Variants in PINX1 observed in about 807,000 individuals in gnomAD.
PINX1 encodes PIN2 (TERF1) interacting telomerase inhibitor 1.
A neutral mutation model predicts 25.4 loss-of-function variants in PINX1; 34 were observed. The ratio of observed to expected loss-of-function variants is 1.34; its 90% confidence interval spans 1.02 to 1.78. The LOEUF (loss-of-function observed/expected upper bound fraction) is 1.78. Among genes scored for constraint, PINX1 ranks in the 40% most tolerant of loss-of-function variants. PINX1 has a pLI of 0.00. For missense variants in PINX1, 592 were observed against 404.9 expected, an observed-to-expected ratio of 1.46 and a Z score of -3.97; for synonymous variants, 197 against 147.7, an observed-to-expected ratio of 1.33 and a Z score of -2.42.
At chr8:10,818,787 G>A (rs1424036834) in intron 6 of PINX1, among the ~76,000 whole-genome samples, 2 of 152,170 alleles carry the variant, frequency 1.3e-5, no homozygotes, top group African/African-American at 2.4e-5. Flanking sequence ...AGGAGATGGA[G>A]TTCAAGAGGC....
chr8:10,808,888 C>G (rs1448459771), intron 6 of PINX1, among the ~76,000 whole-genome samples: 1 of 152,014 alleles, frequency 6.6e-6, no homozygotes, highest in Non-Finnish European at 1.5e-5. Flanking sequence ...GCAAGAGCAG[C>G]AGAAAAGGAA....
rs756184445 is a variant in PINX1 at position 10,834,755 on chromosome 8, C to T, written c.40G>A (p.Ala14Thr). 46 of 1,613,416 alleles carry T rather than the reference C, an allele frequency of 2.9e-5. No individual in the cohort carries two copies. The Admixed American group carries it at 4.8e-4, about 17-fold the overall frequency. ...CAGGCAGTGTTCTGAGGATCCACAGCCCACTTCTGCTTCCGCCGACCTGTA... is the reference window on the plus strand; with the variant it reads ...CAGGCAGTGTTCTGAGGATCCACAGTCCACTTCTGCTTCCGCCGACCTGTA... ...LAERRRKQKW[A>T]VDPQNTAWSN... The change falls in exon 2 of 7, where the codon GCT (alanine) becomes ACT (threonine). Residue 14 changes from alanine (A) to threonine (T), a missense_variant. By Grantham distance (58) the Ala-to-Thr change is moderately conservative (BLOSUM62 0). Transcript: ENST00000314787.
chr8:10,789,668 C>G (rs971357064), intron 6 of PINX1, among the ~76,000 whole-genome samples: 4 of 152,276 alleles, frequency 2.6e-5, no homozygotes, highest in African/African-American at 4.8e-5. Context: ...GTGGCAGAGC[C>G]AAAAACGCAA....
At chr8:10,838,376 T>C (rs952545375) in intron 1 of PINX1, among the ~76,000 whole-genome samples, 6 of 152,222 alleles carry the variant, frequency 3.9e-5, no homozygotes, top group South Asian at 2.1e-4. Context: ...GAAAACACTC[T>C]CTTGAAATCA....
chr8:10,803,660 G>C (rs1802341479), intron 6 of PINX1, among the ~76,000 whole-genome samples: 2 of 152,202 alleles, frequency 1.3e-5, no homozygotes, highest in Admixed American at 6.5e-5. Flanking sequence ...TTTAGGTTCA[G>C]CTTTTTGGCA....
At chr8:10,790,082 G>A (rs1274561766) in intron 6 of PINX1, among the ~76,000 whole-genome samples, 1 of 152,060 alleles carries the variant, frequency 6.6e-6, no homozygotes, top group African/African-American at 2.4e-5. Context: ...ACAGGTGGAG[G>A]CGCCGTCTGC....
rs138419916 is a variant in PINX1 at position 10,803,634 on chromosome 8, T to A, written c.471+16559A>T. On this transcript the variant is annotated intron_variant, in intron 6 of 6. Transcript: ENST00000314787. ...ATTTTCTGTGAATGAAAAATACTTC[T>A]AGAGATTTGATTAGATTTAGGTTCA... Among the ~76,000 whole-genome samples the A allele has an allele frequency of 2.0e-3, 311 of 152,336 alleles. 1 individual carries two copies. The highest frequency in any genetic ancestry group is 2.7e-3 in the Non-Finnish European group (185 of 68,030).
At chr8:10,813,777 T>C (rs1335424692) in intron 6 of PINX1, among the ~76,000 whole-genome samples, 1 of 151,864 alleles carries the variant, frequency 6.6e-6, no homozygotes, top group Non-Finnish European at 1.5e-5. Context: ...AGAAACGAAG[T>C]GAGAATGCTG....
At chr8:10,806,863 G>A (rs1563221999) in intron 6 of PINX1, among the ~76,000 whole-genome samples, 4 of 152,134 alleles carry the variant, frequency 2.6e-5, no homozygotes, top group Admixed American at 2.0e-4. Flanking sequence ...TGGCCCCAGC[G>A]AGAGGGCTTC....
intron 1 of PINX1, among the ~76,000 whole-genome samples, chr8:10,835,877 T>C (rs990537887): frequency 1.3e-5 from 2 of 152,184 alleles, no homozygotes; most frequent in African/African-American, 2.4e-5. Flanking sequence ...TTTTAATGCA[T>C]ATAAATTACT....
chr8:10,779,931 G>A (rs1426067883), intron 6 of PINX1, among the ~76,000 whole-genome samples: 1 of 152,148 alleles, frequency 6.6e-6, no homozygotes, highest in Non-Finnish European at 1.5e-5. Context: ...CAAGTGTGGG[G>A]CAGAAAATGT....
At chr8:10,833,934 G>C (rs1409581504) in intron 2 of PINX1, among the ~76,000 whole-genome samples, 3 of 152,158 alleles carry the variant, frequency 2.0e-5, no homozygotes, top group African/African-American at 4.8e-5. Context: ...TGATACCCTT[G>C]AAATGCTTAC....
At chr8:10,775,409 G>GTTTTTTTTTTTTTTTTTTTTT (rs1801356796) in intron 6 of PINX1, among the ~76,000 whole-genome samples, 1 of 48,928 alleles carries the variant, frequency 2.0e-5, no homozygotes, top group Non-Finnish European at 3.8e-5. Context: ...TCTGTTTTGT[G>GTTTTTTTTTTTTTTTTTTTTT]GTTTTTTTTT....
intron 4 of PINX1, among the ~76,000 whole-genome samples, chr8:10,828,548 G>A (rs1012704392): frequency 2.6e-5 from 4 of 152,196 alleles, no homozygotes; most frequent in Admixed American, 2.0e-4. Flanking sequence ...GCCACATCCT[G>A]AAGCACCACG....
At chr8:10,829,947 G>A (rs1438907667) in intron 4 of PINX1, among the ~76,000 whole-genome samples, 1 of 152,166 alleles carries the variant, frequency 6.6e-6, no homozygotes, top group Admixed American at 6.5e-5. Context: ...GCCTCCCAAA[G>A]TGCTGGTATT....
In PINX1 at chr8:10,765,693, G is replaced by A; in HGVS notation, c.695C>T (p.Ala232Val). Residue 232 changes from alanine to valine, a missense_variant, in exon 7 of 7, where the codon GCC becomes GTC. Coordinates refer to ENST00000314787, the MANE Select transcript of PINX1 (RefSeq NM_017884.6). ...KDVESYLQPK[A>V]KRHTEGKPER... is the part of the protein sequence containing the mutation. ...GGGCTTTCCCTCCGTGTGCCTCTTG[G>A]CCTTAGGCTGGAGGTAACTTTCCAC... is the stretch of plus-strand genomic sequence containing the variant. 6.2e-7 allele frequency: 1 copy of A among 1,613,974 alleles called. No homozygotes were observed. The highest frequency in any genetic ancestry group is 1.3e-5 in the African/African-American group (1 of 75,048).
chr8:10,793,550 C>A (rs1031019363), intron 6 of PINX1, among the ~76,000 whole-genome samples: 2 of 152,230 alleles, frequency 1.3e-5, no homozygotes, highest in African/African-American at 4.8e-5. Flanking sequence ...ATGCAGCCCA[C>A]CCGCCATGGG....
intron 6 of PINX1, among the ~76,000 whole-genome samples, chr8:10,775,229 A>G (rs1801350651): frequency 6.6e-6 from 1 of 152,178 alleles, no homozygotes; most frequent in Non-Finnish European, 1.5e-5. Context: ...GAAAAAGTAC[A>G]AGAAAGACTG....
rs73662640 is a variant in PINX1, at chr8:10,834,521, A to C, written c.129+145T>G. 4.0e-3 allele frequency: 4,689 copies of C among 1,181,488 alleles called. 150 individuals carry two copies. The African/African-American group carries it at 0.062, about 16-fold the overall frequency. The allele number at this position is 1,181,488 out of a possible 1,614,324, so 73.2% of individuals were successfully genotyped here. A position where few individuals can be genotyped will look rare whatever the true frequency, so the allele number is the denominator to read the frequency against. On this transcript the variant is annotated intron_variant, in intron 2 of 6. Transcript: ENST00000314787. Reference sequence around the variant, plus strand: ...TGTCCAATCCTAATTTATCATCATAAGGTCACAACAATTTTTGATTTGGGA... The same window carrying C: ...TGTCCAATCCTAATTTATCATCATACGGTCACAACAATTTTTGATTTGGGA...
Sources: gnomAD v4.1 joint callset for allele counts (sites outside exome capture counted in the v4.1 genomes callset) on GRCh38, gnomAD v4.1.1 for gene constraint, MANE v1.5 for transcripts, NCBI Gene and HGNC (gene_info 2026-07-23, HGNC 2026-07-21) for gene names.